Variants in C8A observed in about 807,000 individuals in gnomAD.
The protein encoded by C8A is complement C8 alpha chain.
Under a neutral mutation model 65.3 loss-of-function variants are expected in C8A, and 67 were observed. That is an observed-to-expected ratio of 1.03 (90% CI 0.84 to 1.26). The LOEUF (loss-of-function observed/expected upper bound fraction) is 1.26, where lower values mean the gene tolerates loss of function less well. Among genes scored for constraint, C8A ranks in the 50% most tolerant of loss-of-function variants. The probability of loss-of-function intolerance (pLI) is 0.00; values close to 1 mark genes in which losing one functional copy is unlikely to be tolerated. For synonymous variants in C8A, 290 were observed against 259.4 expected (o/e 1.12, Z -1.13); for missense variants, 781 against 723.9 (o/e 1.08, Z -0.90).
intron 2 of C8A, 123 bp from the exon 3 acceptor site, chr1:56,874,826 T>C (rs1382981923): frequency 2.8e-6 from 3 of 1,084,912 alleles, no homozygotes; most frequent in Non-Finnish European, 4.1e-6. Flanking sequence ...AAAGACAGCT[T>C]CACAGGCAGG....
chr1:56,856,108 A>G (rs2101178456), intron 1 of C8A, among the ~76,000 whole-genome samples: 1 of 152,260 alleles, frequency 6.6e-6, no homozygotes, highest in African/African-American at 2.4e-5. Context: ...TTTCAAGTCA[A>G]GGCAAAATGG....
intron 2 of C8A, among the ~76,000 whole-genome samples, chr1:56,874,189 C>T (rs1290370546): frequency 6.6e-6 from 1 of 152,100 alleles, no homozygotes; most frequent in Non-Finnish European, 1.5e-5. Flanking sequence ...AAAAGAAAAT[C>T]CCCAGAGAGA....
chr1:56,875,139 A>C (rs756232682), intron 3 of C8A, 46 bp downstream of exon 3: 1 of 1,599,484 alleles, frequency 6.3e-7, no homozygotes, highest in East Asian at 2.2e-5. Flanking sequence ...GTCAAAAGTG[A>C]CATGTGAAAC....
At position 56,907,963 on chromosome 1, in the gene C8A, C is replaced by T; in HGVS notation, c.1230C>T (p.Ala410=). 2.5e-6 allele frequency: 4 copies of T among 1,614,062 alleles called. No individual in the cohort carries two copies. In the East Asian group the frequency reaches 6.7e-5, roughly 27 times the overall value. The change falls in exon 9 of 11, where the codon GCC becomes GCT. Residue 410 remains alanine, a synonymous_variant. Transcript: ENST00000361249. ...TTATCCTCTTGATGGCAGAAAGGGC[C>T]AGGAAGGCCATGGCTGTGGAAGACA... is the stretch of plus-strand genomic sequence containing the variant. ...KKFGGGKTER[A]RKAMAVEDII... is the part of the protein sequence containing the mutation.
At chr1:56,870,122 G>C (rs937314301) in intron 2 of C8A, among the ~76,000 whole-genome samples, 2 of 152,022 alleles carry the variant, frequency 1.3e-5, no homozygotes, top group African/African-American at 4.8e-5. Context: ...TTAGTTTCTT[G>C]AGTTCACTGG....
intron 10 of C8A, among the ~76,000 whole-genome samples, chr1:56,913,261 A>G (rs1470220623): frequency 6.6e-6 from 1 of 152,210 alleles, no homozygotes; most frequent in East Asian, 1.9e-4. Flanking sequence ...CTATTTCCAA[A>G]TAAGGTCATG....
intron 2 of C8A, among the ~76,000 whole-genome samples, chr1:56,873,682 C>T (rs1644169850): frequency 6.6e-6 from 1 of 152,150 alleles, no homozygotes; most frequent in Non-Finnish European, 1.5e-5. Flanking sequence ...GCTTTCTTAC[C>T]TACATACTAA....
intron 4 of C8A, among the ~76,000 whole-genome samples, chr1:56,880,010 G>A (rs573610564): frequency 6.6e-6 from 1 of 152,244 alleles, no homozygotes; most frequent in Non-Finnish European, 1.5e-5. Flanking sequence ...TCTTTCCAGA[G>A]CATTCAAAGA....
chr1:56,909,077 A>T (rs1258530203), intron 9 of C8A, among the ~76,000 whole-genome samples: 4 of 152,220 alleles, frequency 2.6e-5, no homozygotes, highest in Admixed American at 6.5e-5. Context: ...AAGTGTCAAT[A>T]CTGCCAAAAT....
chr1:56,894,447 C>T (rs554944907), intron 7 of C8A, among the ~76,000 whole-genome samples: 1 of 152,274 alleles, frequency 6.6e-6, no homozygotes, highest in East Asian at 1.9e-4. Flanking sequence ...TCAGTGTGTG[C>T]TTTCCATCAT....
chr1:56,870,275 G>A (rs1425753260), intron 2 of C8A, among the ~76,000 whole-genome samples: 7 of 152,016 alleles, frequency 4.6e-5, no homozygotes, highest in Admixed American at 4.6e-4. Flanking sequence ...TACTAGGTTG[G>A]TGCAAAAGTA....
intron 7 of C8A, among the ~76,000 whole-genome samples, 180 bp from the exon 8 acceptor site, chr1:56,906,487 T>C (rs1049207641): frequency 6.6e-6 from 1 of 152,156 alleles, no homozygotes; most frequent in African/African-American, 2.4e-5. Flanking sequence ...ATTTCAAGAA[T>C]TATTTTGGTT....
At chr1:56,876,009 G>A in intron 3 of C8A, 53 bp from the exon 4 acceptor site, 1 of 1,597,472 alleles carries the variant, frequency 6.3e-7, no homozygotes, top group Non-Finnish European at 8.5e-7. Flanking sequence ...TTGTGGGTGT[G>A]AGTCTGGAGG....
At chr1:56,879,101 C>A (rs781028411) in intron 4 of C8A, among the ~76,000 whole-genome samples, 1 of 152,128 alleles carries the variant, frequency 6.6e-6, no homozygotes, top group Admixed American at 6.6e-5. Context: ...TTTTACCCTG[C>A]GATGACAGAG....
chr1:56,867,694 G>A lies in C8A; in HGVS notation c.163G>A (p.Asp55Asn). The change falls in exon 2 of 11, where the codon GAC becomes AAC. Residue 55 changes from aspartate to asparagine, a missense_variant. Coordinates refer to ENST00000361249, the MANE Select transcript of C8A (RefSeq NM_000562.3). ...GTGGACAGATTGCTTTCCGTGCCAGGACAAAAAGGTGAGACACTTACAACC... is the reference window on the plus strand; with the variant it reads ...GTGGACAGATTGCTTTCCGTGCCAGAACAAAAAGGTGAGACACTTACAACC... ...SEWTDCFPCQ[D>N]KKYRHRSLLQ... is the part of the protein sequence containing the mutation. 1 of 1,613,454 alleles carries A rather than the reference G, an allele frequency of 6.2e-7. No individual in the cohort carries two copies. Among genetic ancestry groups the A allele is most frequent in the Non-Finnish European group, 8.5e-7 (1 of 1,179,568 alleles).
At chr1:56,916,969 G>A (rs898319158) in intron 10 of C8A, among the ~76,000 whole-genome samples, 3 of 152,172 alleles carry the variant, frequency 2.0e-5, no homozygotes, top group Admixed American at 2.0e-4. Context: ...TCCTCTCCAG[G>A]GAGGTGTCTG....
intron 2 of C8A, among the ~76,000 whole-genome samples, chr1:56,872,578 C>A (rs1021234243): frequency 1.3e-5 from 2 of 151,950 alleles, no homozygotes. Context: ...TCTTAAAAGA[C>A]CTCATGGTGG....
intron 7 of C8A, among the ~76,000 whole-genome samples, chr1:56,894,051 A>G (rs1644369404): frequency 6.6e-6 from 1 of 152,268 alleles, no homozygotes; most frequent in Middle Eastern, 3.4e-3. Context: ...ATTGCTGTAC[A>G]GTGTAGGTGT....
At chr1:56,855,985 G>A (rs1294083835) in intron 1 of C8A, among the ~76,000 whole-genome samples, 4 of 151,966 alleles carry the variant, frequency 2.6e-5, no homozygotes, top group Non-Finnish European at 4.4e-5. Context: ...GGAAATCTCC[G>A]CCGAGATATT....
Sources: allele counts gnomAD v4.1 joint callset (sites outside exome capture counted in the v4.1 genomes callset), GRCh38; gene constraint gnomAD v4.1.1; transcripts MANE v1.5; gene names NCBI Gene and HGNC (gene_info 2026-07-23, HGNC 2026-07-21).